Variants in SNX6 observed in about 807,000 individuals in gnomAD.
The protein encoded by SNX6 is sorting nexin-6.
SNX6 carries 34 observed loss-of-function variants against 63.0 expected under a neutral mutation model. The observed-to-expected ratio is 0.54, with a 90% CI of 0.41 to 0.72. The LOEUF (loss-of-function observed/expected upper bound fraction) is 0.72, where lower values mean the gene tolerates loss of function less well. SNX6 is among the 30% of genes least tolerant of loss of function. The probability of loss-of-function intolerance (pLI) is 0.00; values close to 1 mark genes in which losing one functional copy is unlikely to be tolerated. For synonymous variants in SNX6, 170 were observed against 164.2 expected, an observed-to-expected ratio of 1.04 and a Z score of -0.27; for missense variants, 398 against 471.4, an observed-to-expected ratio of 0.84 and a Z score of 1.44.
intron 4 of SNX6, among the ~76,000 whole-genome samples, chr14:34,606,157 G>C (rs902916224): frequency 1.3e-5 from 2 of 150,730 alleles, no homozygotes; most frequent in South Asian, 2.1e-4. Context: ...CTGGGTGATA[G>C]AGGAAGACCC....
chr14:34,616,016 C>T (rs1204833890), intron 2 of SNX6, among the ~76,000 whole-genome samples: 1 of 152,152 alleles, frequency 6.6e-6, no homozygotes, highest in African/African-American at 2.4e-5. Context: ...AGTGCAGTGG[C>T]GTGATCTTGG....
chr14:34,624,804 A>C (rs1883763791), intron 2 of SNX6, among the ~76,000 whole-genome samples: 1 of 152,118 alleles, frequency 6.6e-6, no homozygotes, highest in Admixed American at 6.5e-5. Flanking sequence ...AGGAAAAAAA[A>C]AAAAATTTTT....
chr14:34,592,668 A>G (rs1566477557), intron 8 of SNX6, among the ~76,000 whole-genome samples: 2 of 152,174 alleles, frequency 1.3e-5, no homozygotes, highest in Admixed American at 6.6e-5. Flanking sequence ...GGCCCAAGGC[A>G]TCCTCCCACC....
At position 34,567,672 on chromosome 14, in the gene SNX6, T is replaced by C; in HGVS notation, c.1167+14A>G. The C allele has an allele frequency of 6.3e-7, 1 of 1,596,596 alleles. No individual in the cohort carries two copies. The highest frequency in any genetic ancestry group is 8.6e-7 in the Non-Finnish European group (1 of 1,165,500). On this transcript the variant is annotated intron_variant, in intron 13 of 13. Coordinates refer to ENST00000362031, the MANE Select transcript of SNX6 (RefSeq NM_152233.4). ...CATGTAACTTAAATTATTAAATCTTTATTACAACACTACCTTTGCATGCTT... is the reference window on the plus strand; with the variant it reads ...CATGTAACTTAAATTATTAAATCTTCATTACAACACTACCTTTGCATGCTT...
intron 2 of SNX6, among the ~76,000 whole-genome samples, chr14:34,621,261 A>G (rs1313639083): frequency 1.3e-5 from 2 of 152,088 alleles, no homozygotes; most frequent in African/African-American, 2.4e-5. Context: ...CAACTTCTGA[A>G]GCCTCCTCTG....
intron 2 of SNX6, among the ~76,000 whole-genome samples, chr14:34,612,211 G>A (rs1250697776): frequency 6.6e-6 from 1 of 152,192 alleles, no homozygotes; most frequent in East Asian, 1.9e-4. Flanking sequence ...AAAGTGCTGG[G>A]ATTACAGACG....
intron 6 of SNX6, among the ~76,000 whole-genome samples, chr14:34,598,923 G>T (rs1343231762): frequency 6.6e-6 from 1 of 152,148 alleles, no homozygotes; most frequent in African/African-American, 2.4e-5. Context: ...TTTGAGAAGT[G>T]ATTAGGTCAT....
At chr14:34,616,378 T>C (rs1883419825) in intron 2 of SNX6, among the ~76,000 whole-genome samples, 2 of 152,318 alleles carry the variant, frequency 1.3e-5, no homozygotes, top group South Asian at 4.1e-4. Context: ...GTAGATTTTT[T>C]AATTTTAAAG....
chr14:34,609,920 C>A (rs1007656503), intron 2 of SNX6, among the ~76,000 whole-genome samples, 178 bp from the exon 3 acceptor site: 2 of 152,120 alleles, frequency 1.3e-5, no homozygotes, highest in Admixed American at 6.6e-5. Flanking sequence ...TTGGGCAACG[C>A]TATTACCTTA....
At chr14:34,610,121 A>T (rs1189769369) in intron 2 of SNX6, among the ~76,000 whole-genome samples, 2 of 151,954 alleles carry the variant, frequency 1.3e-5, no homozygotes, top group African/African-American at 4.8e-5. Flanking sequence ...AAGCGGGAGG[A>T]CTGACTGAGC....
chr14:34,593,306 T>C (rs554859841), intron 7 of SNX6, among the ~76,000 whole-genome samples, 156 bp from the exon 8 acceptor site: 2 of 152,302 alleles, frequency 1.3e-5, no homozygotes, highest in African/African-American at 4.8e-5. Flanking sequence ...AAGACTTTAA[T>C]AGACATGCAT....
intron 6 of SNX6, among the ~76,000 whole-genome samples, chr14:34,597,878 A>G (rs1404682014): frequency 6.6e-6 from 1 of 152,204 alleles, no homozygotes; most frequent in African/African-American, 2.4e-5. Flanking sequence ...GCTGGTCTAC[A>G]AGAAGGCCTA....
intron 13 of SNX6, among the ~76,000 whole-genome samples, chr14:34,564,880 T>A (rs535499974): frequency 2.2e-4 from 34 of 151,348 alleles, no homozygotes; most frequent in Non-Finnish European, 4.1e-4. Context: ...GACATCAATC[T>A]CTAGAAGGAC....
At chr14:34,569,993 A>G (rs1041548379) in intron 11 of SNX6, among the ~76,000 whole-genome samples, 5 of 151,850 alleles carry the variant, frequency 3.3e-5, no homozygotes, top group Non-Finnish European at 5.9e-5. Context: ...TTACATTCCT[A>G]CCAACACCAT....
chr14:34,620,240 C>T (rs1342838067), intron 2 of SNX6, among the ~76,000 whole-genome samples: 1 of 152,220 alleles, frequency 6.6e-6, no homozygotes. Context: ...AACAAGTGAA[C>T]TTGCCTCCTC....
chr14:34,584,687 T>C (rs1423440179), intron 9 of SNX6, among the ~76,000 whole-genome samples: 2 of 151,910 alleles, frequency 1.3e-5, no homozygotes, highest in African/African-American at 4.8e-5. Flanking sequence ...ATTCGGTTCT[T>C]CCACTCTCTT....
intron 9 of SNX6, 49 bp downstream of exon 9, chr14:34,586,181 G>A (rs1187888835): frequency 2.5e-5 from 31 of 1,245,646 alleles, no homozygotes; most frequent in African/African-American, 8.9e-5. Flanking sequence ...GATTACAGGC[G>A]TGAGCCACCG....
intron 10 of SNX6, among the ~76,000 whole-genome samples, chr14:34,579,607 T>C (rs976915650): frequency 3.9e-5 from 6 of 152,006 alleles, no homozygotes; most frequent in African/African-American, 1.4e-4. Flanking sequence ...ACCCCGTCTC[T>C]AAAACAAAAA....
chr14:34,582,453 C>T (rs1292541333), intron 9 of SNX6, among the ~76,000 whole-genome samples: 3 of 152,080 alleles, frequency 2.0e-5, no homozygotes, highest in Non-Finnish European at 2.9e-5. Flanking sequence ...GTGATCTGCC[C>T]GCAGTGGCCT....
Sources: allele counts gnomAD v4.1 joint callset (sites outside exome capture counted in the v4.1 genomes callset), GRCh38; gene constraint gnomAD v4.1.1; transcripts MANE v1.5; gene names NCBI Gene and HGNC (gene_info 2026-07-23, HGNC 2026-07-21).